The following RBPMS variants were observed in gnomAD, a reference collection of about 807,000 sequenced individuals.
The protein encoded by RBPMS is RNA-binding protein with multiple splicing.
In RBPMS, 7 loss-of-function variants were observed where a neutral mutation model predicts 26.8. The observed-to-expected ratio is 0.26, with a 90% confidence interval of 0.15 to 0.49. The LOEUF (loss-of-function observed/expected upper bound fraction) is 0.49. Ranked by LOEUF, RBPMS falls within the 20% of genes least tolerant of loss-of-function variation. RBPMS has a pLI of 0.98. For synonymous variants in RBPMS, 96 were observed against 93.3 expected, an observed-to-expected ratio of 1.03 and a Z score of -0.17; for missense variants, 186 against 250.0, an observed-to-expected ratio of 0.74 and a Z score of 1.73.
chr8:30,491,825 A>G (rs1048443301), intron 4 of RBPMS, among the ~76,000 whole-genome samples: 2 of 152,276 alleles, frequency 1.3e-5, no homozygotes, highest in East Asian at 1.9e-4. Flanking sequence ...CGTTAAATGC[A>G]TTCTCTTAGC....
intron 1 of RBPMS, among the ~76,000 whole-genome samples, chr8:30,410,161 C>T (rs1809170395): frequency 6.9e-6 from 1 of 144,918 alleles, no homozygotes; most frequent in East Asian, 2.0e-4. Flanking sequence ...CACACACACA[C>T]ACACACACAC....
intron 1 of RBPMS, among the ~76,000 whole-genome samples, chr8:30,424,647 T>C (rs1238679544): frequency 6.6e-6 from 1 of 152,226 alleles, no homozygotes; most frequent in Non-Finnish European, 1.5e-5. Context: ...AGGATAATAA[T>C]GCCTACTTCG....
intron 1 of RBPMS, among the ~76,000 whole-genome samples, chr8:30,415,060 G>A (rs1371812412): frequency 6.6e-6 from 1 of 152,044 alleles, no homozygotes; most frequent in Non-Finnish European, 1.5e-5. Context: ...AAAGATCCAA[G>A]TGTCTACACC....
intron 7 of RBPMS, among the ~76,000 whole-genome samples, chr8:30,560,542 T>C (rs1165942067): frequency 6.6e-6 from 1 of 152,208 alleles, no homozygotes; most frequent in African/African-American, 2.4e-5. Context: ...AAATTGTATC[T>C]ACTCTTCCTC....
rs73572130 is a variant in RBPMS at position 30,532,859 on chromosome 8, G to C, written c.398-11635G>C. On this transcript the variant is annotated intron_variant, in intron 5 of 8. Transcript: ENST00000397323. ...TTCCAAATGGTTTCTAGTACATTCC[G>C]CTACCCACTCCCACCGAGGACCACC... 4.0e-3 allele frequency among the ~76,000 whole-genome samples: 602 copies of C among 151,660 alleles called. 3 individuals carry two copies. Among genetic ancestry groups the C allele is most frequent in the African/African-American group, 0.013 (555 of 41,306 alleles).
chr8:30,565,835 T>G (rs1369787669), intron 7 of RBPMS: 3 of 152,510 alleles, frequency 2.0e-5, no homozygotes, highest in African/African-American at 7.2e-5. Flanking sequence ...TCAGGTCCCA[T>G]GCCTTTCCTC....
At chr8:30,456,298 C>G (rs1471991960) in intron 1 of RBPMS, among the ~76,000 whole-genome samples, 1 of 152,148 alleles carries the variant, frequency 6.6e-6, no homozygotes, top group Non-Finnish European at 1.5e-5. Flanking sequence ...AAAAATGATG[C>G]TTGTGCTAGC....
rs1554524279 is a variant in RBPMS at position 30,486,374 on chromosome 8, A to AC, written c.246+6998dup. On this transcript the variant is annotated intron_variant, in intron 4 of 8. Transcript: ENST00000397323. ...AATAAATAAATAACATAAAAAAAAA[A>AC]CAAAAAACAGGGTTCAGCCCAGGTC... 1.5e-4 allele frequency among the ~76,000 whole-genome samples: 22 copies of AC among 150,878 alleles called. 1 individual carries two copies. The South Asian group carries it at 3.8e-3, about 26-fold the overall frequency.
chr8:30,410,143 T>TACACACAC (rs34489233), intron 1 of RBPMS, among the ~76,000 whole-genome samples: 3,443 of 132,132 alleles, frequency 0.026, 72 homozygotes, highest in Middle Eastern at 0.047. Flanking sequence ...TGACTTAAAA[T>TACACACAC]ACACACACAC....
At chr8:30,476,144 A>G (rs1817672447) in intron 2 of RBPMS, among the ~76,000 whole-genome samples, 2 of 152,202 alleles carry the variant, frequency 1.3e-5, no homozygotes, top group Admixed American at 1.3e-4. Flanking sequence ...ATGAATTATT[A>G]AAGTATTGTC....
chr8:30,492,049 G>A (rs1207437506), intron 4 of RBPMS, among the ~76,000 whole-genome samples: 3 of 152,078 alleles, frequency 2.0e-5, no homozygotes, highest in Non-Finnish European at 4.4e-5. Context: ...GCAGCACCAC[G>A]TCTGGCTAAT....
chr8:30,390,058 C>T (rs968237345), intron 1 of RBPMS, among the ~76,000 whole-genome samples: 10 of 152,128 alleles, frequency 6.6e-5, no homozygotes, highest in African/African-American at 2.2e-4. Context: ...TGCCAGTTCT[C>T]AAATAAATGT....
In RBPMS at chr8:30,384,616, GCTCCTCCTCCTCCTCTTC is replaced by G. The variant is rs1272908723; in HGVS notation, c.-460_-443del. 5.7e-4 allele frequency: 90 copies of G among 156,744 alleles called. No homozygotes were observed. Among genetic ancestry groups the G allele is most frequent in the African/African-American group, 2.2e-3 (88 of 40,666 alleles). 9.7% of individuals were successfully genotyped at this position (156,744 alleles called of 1,614,324 possible). A position where few individuals can be genotyped will look rare whatever the true frequency, so the allele number is the denominator to read the frequency against. ...GCCGCGGCCCGCGCTCCTCCGCCCC[GCTCCTCCTCCTCCTCTTC>G]CTCCTCCTCCTCCTCTCTAGGCACC... is the stretch of plus-strand genomic sequence containing the variant. On this transcript the variant is annotated 5_prime_UTR_variant, in exon 1 of 9. Coordinates refer to ENST00000397323, the MANE Select transcript of RBPMS (RefSeq NM_001008710.3). The surrounding 1 kb of genome is among the most constrained non-coding windows in gnomAD (Gnocchi z 5.6).
rs1827883055 is a variant in RBPMS, at chr8:30,566,302, A to G, written c.*53A>G. 2 of 985,908 alleles carry G rather than the reference A, an allele frequency of 2.0e-6. No homozygotes were observed. The highest frequency in any genetic ancestry group is 9.4e-5 in the South Asian group (2 of 21,284). The allele number at this position is 985,908 out of a possible 1,614,324, so 61.1% of individuals were successfully genotyped here. On this transcript the variant is annotated 3_prime_UTR_variant, in exon 8 of 9. Transcript: ENST00000397323. ...GCTGCAATCTGTCTTGTGGGTATTA[A>G]TGCAATCTTCAGTGGTGGCTACTGT... is the stretch of plus-strand genomic sequence containing the variant.
chr8:30,551,721 G>A (rs531286248), intron 6 of RBPMS, among the ~76,000 whole-genome samples: 39 of 152,250 alleles, frequency 2.6e-4, no homozygotes, highest in Admixed American at 1.8e-3. Flanking sequence ...TGTCACAGTC[G>A]GGTGCTGCTG....
At chr8:30,458,395 GTTTTGTTATCCTTCC>G (rs1249067115) in intron 1 of RBPMS, among the ~76,000 whole-genome samples, 9 of 152,068 alleles carry the variant, frequency 5.9e-5, no homozygotes, top group Admixed American at 1.3e-4. Flanking sequence ...TGAGAGGTAG[GTTTTGTTATCCTTCC>G]TATTTTGCAG....
At chr8:30,413,697 C>G (rs939630344) in intron 1 of RBPMS, among the ~76,000 whole-genome samples, 1 of 151,850 alleles carries the variant, frequency 6.6e-6, no homozygotes, top group Non-Finnish European at 1.5e-5. Context: ...AGTGCAACCT[C>G]CGCCTCCCCA....
At chr8:30,388,607 A>G (rs576787146) in intron 1 of RBPMS, among the ~76,000 whole-genome samples, 17 of 144,398 alleles carry the variant, frequency 1.2e-4, no homozygotes, top group Admixed American at 4.4e-4. Context: ...AGCTATAGCT[A>G]TAAGCTAACT....
chr8:30,478,336 T>A (rs2150841226), intron 3 of RBPMS, among the ~76,000 whole-genome samples: 1 of 152,192 alleles, frequency 6.6e-6, no homozygotes, highest in Non-Finnish European at 1.5e-5. Context: ...ATATACTTTT[T>A]TTTTTAAGCT....
Sources: allele counts gnomAD v4.1 joint callset (sites outside exome capture counted in the v4.1 genomes callset), GRCh38; gene constraint gnomAD v4.1.1; non-coding constraint Gnocchi (gnomAD v3.1); transcripts MANE v1.5; gene names NCBI Gene and HGNC (gene_info 2026-07-23, HGNC 2026-07-21).